The following SIPA1L1 variants were observed in gnomAD, a reference collection of about 807,000 sequenced individuals.
The protein encoded by SIPA1L1 is signal-induced proliferation-associated 1-like protein 1.
A neutral mutation model predicts 162.7 loss-of-function variants in SIPA1L1; 26 were observed. That is an observed-to-expected ratio of 0.16 (90% CI 0.12 to 0.22). The LOEUF (loss-of-function observed/expected upper bound fraction) is 0.22. Ranked by LOEUF, SIPA1L1 falls within the 10% of genes least tolerant of loss-of-function variation. The probability of loss-of-function intolerance (pLI) is 1.00; values close to 1 mark genes in which losing one functional copy is unlikely to be tolerated. For missense variants in SIPA1L1, 1,874 were observed against 2,241.0 expected, an observed-to-expected ratio of 0.84 and a Z score of 3.31; for synonymous variants, 829 against 837.4, an observed-to-expected ratio of 0.99 and a Z score of 0.17.
At chr14:71,668,283 A>C (rs1000045249) in intron 10 of SIPA1L1, among the ~76,000 whole-genome samples, 1 of 152,156 alleles carries the variant, frequency 6.6e-6, no homozygotes, top group Non-Finnish European at 1.5e-5. Flanking sequence ...GCACTTCCTC[A>C]GAGGGAGTAA....
rs144995452 is a variant in SIPA1L1 at position 71,529,248 on chromosome 14, G to A, written c.-361-64G>A. The A allele has an allele frequency of 4.3e-3, 2,358 of 544,922 alleles. 5 individuals carry two copies. Among genetic ancestry groups the A allele is most frequent in the Non-Finnish European group, 6.6e-3 (2,000 of 304,116 alleles). 33.8% of individuals were successfully genotyped at this position (544,922 alleles called of 1,614,324 possible). ...AGATAAGACCTGTGTAAGTTATACA[G>A]CTATTGTATTTTAGTGAAATTTATT... On this transcript the variant is annotated intron_variant, in intron 3 of 23. Transcript: ENST00000381232.
At chr14:71,619,426 G>T (rs1439320269) in intron 6 of SIPA1L1, among the ~76,000 whole-genome samples, 1 of 152,022 alleles carries the variant, frequency 6.6e-6, no homozygotes, top group Non-Finnish European at 1.5e-5. Context: ...AATTGTAAGT[G>T]AAACAGGCTG....
rs369026488 is a variant in SIPA1L1, at chr14:71,532,347, GTCT to G, written c.-303+2985_-303+2987del. 4.5e-4 allele frequency among the ~76,000 whole-genome samples: 68 copies of G among 152,296 alleles called. No homozygotes were observed. In the East Asian group the frequency reaches 0.01, roughly 22 times the overall value. On this transcript the variant is annotated intron_variant, in intron 4 of 23. Transcript: ENST00000381232. The stretch of plus-strand genomic sequence containing the variant: ...TTTTGTTTGTTTCTTGTGGAATGGA[GTCT>G]TCTTCTTTCTTATATATGAAAGGAC...
At chr14:71,400,713 C>T (rs887739011) in intron 2 of SIPA1L1, 24 of 151,826 alleles carry the variant, frequency 1.6e-4, no homozygotes, top group Admixed American at 4.6e-4. Context: ...TAAAATATTT[C>T]AAACAAACTG....
At chr14:71,363,440 G>A (rs896562154) in intron 2 of SIPA1L1, among the ~76,000 whole-genome samples, 3 of 152,160 alleles carry the variant, frequency 2.0e-5, no homozygotes, top group African/African-American at 7.2e-5. Flanking sequence ...ATTGTGCTGA[G>A]TTGAGATTGT....
rs537910082 is a variant in SIPA1L1, at chr14:71,334,996, A to G, written c.-465+13815A>G. On this transcript the variant is annotated intron_variant, in intron 2 of 23. Coordinates refer to ENST00000381232, the MANE Select transcript of SIPA1L1 (RefSeq NM_001386936.1). ...ATAATCTATACTTTCCTACCAGTTG[A>G]TTGTTCCTTTAAGAATGTCTTGGCT... is the stretch of plus-strand genomic sequence containing the variant. Among the ~76,000 whole-genome samples, 7 of 152,238 alleles carry G rather than the reference A, an allele frequency of 4.6e-5. No homozygotes were observed. In the South Asian group the frequency reaches 6.2e-4, roughly 14 times the overall value.
At chr14:71,695,378 A>G (rs1410689432) in intron 13 of SIPA1L1, among the ~76,000 whole-genome samples, 2 of 152,114 alleles carry the variant, frequency 1.3e-5, no homozygotes, top group Non-Finnish European at 2.9e-5. Context: ...TGGAAATGCT[A>G]TTTTTTCGCT....
chr14:71,588,374 C>A lies in SIPA1L1; in HGVS notation c.502C>A (p.Arg168Ser). ...CCCCAGCTCCCCCAGAAAAGCTCTT[C>A]GCAGAATACGCCAGCGAAGCAACAG... ...AYPSSPRKAL[R>S]RIRQRSNSDI... The change falls in exon 5 of 24, where the codon CGC becomes AGC. Residue 168 changes from arginine (R) to serine (S), a missense_variant. Around this residue, in one of 5 missense-constraint regions of SIPA1L1, gnomAD observed 685 missense variants for 828.0 expected, o/e 0.83. Transcript: ENST00000381232. The surrounding 1 kb of genome is among the most constrained non-coding windows in gnomAD (Gnocchi z 4.3). 6.2e-7 allele frequency: 1 copy of A among 1,613,948 alleles called. No homozygotes were observed. Among genetic ancestry groups the A allele is most frequent in the South Asian group, 1.1e-5 (1 of 91,084 alleles).
chr14:71,543,900 ATGTG>A (rs1157788088), intron 4 of SIPA1L1, among the ~76,000 whole-genome samples: 4 of 111,036 alleles, frequency 3.6e-5, no homozygotes, highest in Admixed American at 8.5e-5. Flanking sequence ...TCATACGTAT[ATGTG>A]TGTATATATA....
At chr14:71,703,111 C>T (rs900100915) in intron 15 of SIPA1L1, among the ~76,000 whole-genome samples, 2 of 152,116 alleles carry the variant, frequency 1.3e-5, no homozygotes, top group Admixed American at 1.3e-4. Flanking sequence ...ACAGTGACAC[C>T]ATAACACTAG....
At chr14:71,564,711 G>A (rs1285072458) in intron 4 of SIPA1L1, among the ~76,000 whole-genome samples, 3 of 151,792 alleles carry the variant, frequency 2.0e-5, no homozygotes, top group African/African-American at 7.3e-5. Flanking sequence ...GGCTGGTCTC[G>A]AACTCCTGAC....
intron 7 of SIPA1L1, among the ~76,000 whole-genome samples, chr14:71,628,650 C>G (rs998176087): frequency 2.0e-5 from 3 of 152,118 alleles, no homozygotes; most frequent in African/African-American, 7.2e-5. Context: ...TCATAAATTA[C>G]TGTAATGGAT....
chr14:71,347,322 A>G (rs138920499), intron 2 of SIPA1L1, among the ~76,000 whole-genome samples: 103 of 152,236 alleles, frequency 6.8e-4, no homozygotes, highest in African/African-American at 2.3e-3. Context: ...ATGTTGTAGC[A>G]TATATCATAC....
chr14:71,364,448 A>G (rs1402486976), intron 2 of SIPA1L1, among the ~76,000 whole-genome samples: 1 of 152,186 alleles, frequency 6.6e-6, no homozygotes, highest in Non-Finnish European at 1.5e-5. Context: ...GGAATTATAC[A>G]GTATATAGCC....
intron 16 of SIPA1L1, among the ~76,000 whole-genome samples, chr14:71,708,811 T>A (rs930799664): frequency 1.3e-5 from 2 of 152,248 alleles, no homozygotes. Context: ...ATAAGTCTTA[T>A]ATTCAGCCTT....
chr14:71,522,965 A>G (rs1187999979), intron 3 of SIPA1L1, among the ~76,000 whole-genome samples: 2 of 152,006 alleles, frequency 1.3e-5, no homozygotes, highest in Non-Finnish European at 2.9e-5. Context: ...GAGCCACTGC[A>G]CCCGACCTTA....
At chr14:71,714,670 C>T (rs1640909249) in intron 17 of SIPA1L1, among the ~76,000 whole-genome samples, 1 of 151,990 alleles carries the variant, frequency 6.6e-6, no homozygotes, top group Non-Finnish European at 1.5e-5. Context: ...TAGCCTCAAC[C>T]TTCTGGGCTC....
intron 2 of SIPA1L1, among the ~76,000 whole-genome samples, chr14:71,349,932 G>A (rs2036531985): frequency 6.6e-6 from 1 of 152,154 alleles, no homozygotes. Context: ...CACTGGGGAG[G>A]ATGTGGAGAA....
chr14:71,580,603 T>G (rs930080826), intron 4 of SIPA1L1, among the ~76,000 whole-genome samples: 1 of 152,238 alleles, frequency 6.6e-6, no homozygotes, highest in Admixed American at 6.5e-5. Flanking sequence ...CTCTCTACTT[T>G]ATACAGCCTT....
Sources: gnomAD v4.1 joint callset for allele counts (sites outside exome capture counted in the v4.1 genomes callset) on GRCh38, gnomAD v4.1.1 for gene constraint, gnomAD v4.1.1 regional missense constraint, Gnocchi (gnomAD v3.1) non-coding constraint, MANE v1.5 for transcripts, NCBI Gene and HGNC (gene_info 2026-07-23, HGNC 2026-07-21) for gene names.